The following CAPN13 variants were observed in gnomAD, a reference collection of about 807,000 sequenced individuals.
CAPN13 encodes the protein calpain-13.
Under a neutral mutation model 98.4 loss-of-function variants are expected in CAPN13, and 90 were observed. The observed-to-expected ratio is 0.92, with a 90% CI of 0.77 to 1.09. CAPN13 has a LOEUF of 1.09. Among genes scored for constraint, CAPN13 ranks in the 50% least tolerant of loss-of-function variants. CAPN13 has a pLI of 0.00. For missense variants in CAPN13, 887 were observed against 841.3 expected, an observed-to-expected ratio of 1.05 and a Z score of -0.67; for synonymous variants, 330 against 305.5, an observed-to-expected ratio of 1.08 and a Z score of -0.84.
intron 5 of CAPN13, 117 bp downstream of exon 5, chr2:30,770,196 T>C (rs1673327105): frequency 1.4e-6 from 2 of 1,381,544 alleles, no homozygotes; most frequent in South Asian, 2.8e-5. Flanking sequence ...TGATTGTTTA[T>C]GGAGATGCCC....
intron 6 of CAPN13, among the ~76,000 whole-genome samples, chr2:30,763,801 C>A (rs1165063845): frequency 1.3e-5 from 2 of 152,230 alleles, no homozygotes; most frequent in Non-Finnish European, 2.9e-5. Flanking sequence ...CATGGTAAAG[C>A]CCACTGGTTG....
chr2:30,779,028 G>A (rs1673847187), intron 2 of CAPN13, among the ~76,000 whole-genome samples: 1 of 152,224 alleles, frequency 6.6e-6, no homozygotes, highest in Admixed American at 6.5e-5. Context: ...TCTCTCTACT[G>A]GAAAAGGGGA....
intron 15 of CAPN13, 27 bp downstream of exon 15, chr2:30,741,881 A>G (rs1207412087): frequency 1.2e-6 from 2 of 1,613,862 alleles, no homozygotes; most frequent in Non-Finnish European, 8.5e-7. Flanking sequence ...AATCCCACGT[A>G]AGGCCCCTGG....
In CAPN13 at chr2:30,750,299, C is replaced by A. The variant is rs534219712; in HGVS notation, c.1236+804G>T. On this transcript the variant is annotated intron_variant, in intron 11 of 22. Coordinates refer to ENST00000295055, the MANE Select transcript of CAPN13 (RefSeq NM_144575.3). The stretch of plus-strand genomic sequence containing the variant: ...AGAAGGAAGCAACAGACACTGGGAT[C>A]TACTTGAGTGGGGAGGGTGGGAGGA... Among the ~76,000 whole-genome samples, 7 of 151,726 alleles carry A rather than the reference C, an allele frequency of 4.6e-5. 1 individual carries two copies. Among genetic ancestry groups the A allele is most frequent in the African/African-American group, 1.7e-4 (7 of 41,436 alleles).
chr2:30,804,136 T>C (rs1448944973), intron 1 of CAPN13, among the ~76,000 whole-genome samples: 1 of 152,210 alleles, frequency 6.6e-6, no homozygotes, highest in Non-Finnish European at 1.5e-5. Context: ...CAACTGGAGT[T>C]CAGTATGGGA....
chr2:30,800,107 A>AAAG (rs1174994452), intron 1 of CAPN13, among the ~76,000 whole-genome samples: 5 of 120,106 alleles, frequency 4.2e-5, no homozygotes, highest in African/African-American at 1.7e-4. Context: ...AGAAAGAAAG[A>AAAG]AAAGAAAGAA....
At chr2:30,792,769 A>C (rs1269867427) in intron 1 of CAPN13, among the ~76,000 whole-genome samples, 1 of 152,020 alleles carries the variant, frequency 6.6e-6, no homozygotes, top group Non-Finnish European at 1.5e-5. Flanking sequence ...CTGAAAAAAA[A>C]TTACAGAGCA....
At chr2:30,798,770 A>G (rs1383553287) in intron 1 of CAPN13, among the ~76,000 whole-genome samples, 2 of 152,186 alleles carry the variant, frequency 1.3e-5, no homozygotes, top group Admixed American at 1.3e-4. Context: ...ACCCTGCACG[A>G]GGAGCAATCT....
intron 18 of CAPN13, among the ~76,000 whole-genome samples, chr2:30,735,481 C>T (rs886498203): frequency 7.2e-5 from 11 of 152,178 alleles, no homozygotes; most frequent in Admixed American, 6.5e-4. Flanking sequence ...CTAGACTGTT[C>T]TCAGGAATTC....
chr2:30,790,496 C>T (rs1674545564), intron 1 of CAPN13, among the ~76,000 whole-genome samples: 1 of 152,166 alleles, frequency 6.6e-6, no homozygotes, highest in Non-Finnish European at 1.5e-5. Context: ...TGTGTGAGCT[C>T]ATCAGTCAAG....
At chr2:30,743,683 A>G in intron 12 of CAPN13, 104 bp from the exon 13 acceptor site, 2 of 970,000 alleles carry the variant, frequency 2.1e-6, no homozygotes, top group Non-Finnish European at 3.2e-6. Context: ...CCATTCACCA[A>G]GATAACATTA....
rs549414350 is a variant in CAPN13, at chr2:30,751,162, T to G, written c.1177A>C (p.Thr393Pro). The change falls in exon 11 of 23, where the codon ACA (threonine) becomes CCA (proline). Residue 393 changes from threonine to proline, a missense_variant. Transcript: ENST00000295055. ...TCTTCTGCTTTCAAATTTGATGGTGTGACAGCAACTGTGACGCACACGACA... is the reference window on the plus strand; with the variant it reads ...TCTTCTGCTTTCAAATTTGATGGTGGGACAGCAACTGTGACGCACACGACA... ...NVVVCVTVAVTPSNLKAEDAK... is the reference protein window; with the variant it reads ...NVVVCVTVAVPPSNLKAEDAK... 39 of 1,613,906 alleles carry G rather than the reference T, an allele frequency of 2.4e-5. 2 individuals are homozygous for G. Among genetic ancestry groups the G allele is most frequent in the African/African-American group, 2.3e-4 (17 of 75,038 alleles).
At chr2:30,780,407 G>T (rs1673924725) in intron 2 of CAPN13, among the ~76,000 whole-genome samples, 1 of 152,218 alleles carries the variant, frequency 6.6e-6, no homozygotes, top group African/African-American at 2.4e-5. Flanking sequence ...AGAATGCAAG[G>T]ATAGTTTCAC....
intron 8 of CAPN13, 114 bp downstream of exon 8, chr2:30,757,932 A>C: frequency 6.7e-5 from 48 of 719,836 alleles, no homozygotes; most frequent in Non-Finnish European, 1.0e-4. Flanking sequence ...TGTGAGCTGG[A>C]CAGGCCTGCA....
chr2:30,763,444 C>T (rs115552744), intron 6 of CAPN13, among the ~76,000 whole-genome samples: 11 of 152,340 alleles, frequency 7.2e-5, no homozygotes, highest in African/African-American at 1.9e-4. Context: ...CAGTGAGACA[C>T]GGCACAAATA....
intron 13 of CAPN13, 31 bp from the exon 14 acceptor site, chr2:30,742,390 T>C (rs779384812): frequency 8.1e-6 from 13 of 1,596,400 alleles, no homozygotes; most frequent in Non-Finnish European, 1.1e-5. Flanking sequence ...GTGACAAAGA[T>C]GACCAGCTCA....
intron 19 of CAPN13, among the ~76,000 whole-genome samples, chr2:30,733,197 A>G (rs7592475): frequency 1.8e-4 from 27 of 152,292 alleles, no homozygotes; most frequent in Admixed American, 5.2e-4. Context: ...GAGAGCAAGC[A>G]GAACCCTGCA....
rs1051222531 is a variant in CAPN13 at position 30,741,637 on chromosome 2, A to G, written c.1536+271T>C. 19 of 1,262,290 alleles carry G rather than the reference A, an allele frequency of 1.5e-5. No individual in the cohort carries two copies. In the South Asian group the frequency reaches 1.5e-4, roughly 10 times the overall value. 78.2% of individuals were successfully genotyped at this position (1,262,290 alleles called of 1,614,324 possible). A position where few individuals can be genotyped will look rare whatever the true frequency, so the allele number is the denominator to read the frequency against. On this transcript the variant is annotated intron_variant, in intron 15 of 22. Coordinates refer to ENST00000295055, the MANE Select transcript of CAPN13 (RefSeq NM_144575.3). ...TGCTTGTTTAAAGATTTAGAGGGCA[A>G]TGCACCTCACACCCCATAATTATCC... is the stretch of plus-strand genomic sequence containing the variant.
rs147592295 is a variant in CAPN13, at chr2:30,803,721, T to TAA, written c.-33+3579_-33+3580dup. 9.8e-3 allele frequency among the ~76,000 whole-genome samples: 1,494 copies of TAA among 152,304 alleles called. 22 individuals are homozygous for TAA. Among genetic ancestry groups the TAA allele is most frequent in the African/African-American group, 0.034 (1,402 of 41,564 alleles). On this transcript the variant is annotated intron_variant, in intron 1 of 22. Coordinates refer to ENST00000295055, the MANE Select transcript of CAPN13 (RefSeq NM_144575.3). ...CGGCAGTGGGCAAATCTCCACTTCA[T>TAA]AACCCTACAACATGTATTAACAATT...
Sources: allele counts gnomAD v4.1 joint callset (sites outside exome capture counted in the v4.1 genomes callset), GRCh38; gene constraint gnomAD v4.1.1; transcripts MANE v1.5; gene names NCBI Gene and HGNC (gene_info 2026-07-23, HGNC 2026-07-21).